Variants in NRG4 observed in about 807,000 individuals in gnomAD.
The protein encoded by NRG4 is pro-neuregulin-4, membrane-bound isoform.
NRG4 carries 10 observed loss-of-function variants against 15.0 expected under a neutral mutation model. The ratio of observed to expected loss-of-function variants is 0.67; its 90% CI spans 0.41 to 1.13. NRG4 has a LOEUF of 1.13. Ranked by LOEUF, NRG4 falls within the 50% of genes most tolerant of loss-of-function variation. The pLI, the probability that NRG4 is intolerant of heterozygous loss-of-function variation, is 0.00. For synonymous variants in NRG4, 41 were observed against 50.1 expected (o/e 0.82, Z 0.77); for missense variants, 139 against 140.2 (o/e 0.99, Z 0.04).
chr15:76,055,777 A>G (rs1022515288), intron 2 of NRG4, among the ~76,000 whole-genome samples: 1 of 152,236 alleles, frequency 6.6e-6, no homozygotes, highest in Admixed American at 6.5e-5. Flanking sequence ...GGACTATTTT[A>G]TTATTGACAC....
At position 76,041,557 on chromosome 15, in the gene NRG4, C is replaced by T. The variant is rs114082864; in HGVS notation, c.-104-5566G>A. On this transcript the variant is annotated intron_variant, in intron 4 of 8. Coordinates refer to the NRG4 transcript ENST00000563910. ...TACTTATATCAGACAAAATAGATTCCATGACAAAAACTTTTAAGAAGAGAC... is the reference window on the plus strand; with the variant it reads ...TACTTATATCAGACAAAATAGATTCTATGACAAAAACTTTTAAGAAGAGAC... Among the ~76,000 whole-genome samples the T allele has an allele frequency of 3.5e-3, 538 of 152,026 alleles. 3 individuals are homozygous for T. The highest frequency in any genetic ancestry group is 0.012 in the African/African-American group (482 of 41,494).
At chr15:76,008,233 C>T (rs997405326) in intron 3 of NRG4, among the ~76,000 whole-genome samples, 1 of 152,080 alleles carries the variant, frequency 6.6e-6, no homozygotes, top group African/African-American at 2.4e-5. Flanking sequence ...ATTCCCTTCC[C>T]TTTTCATATT....
chr15:75,939,652 C>T (rs1450858459), downstream of NRG4: 6 of 152,146 alleles, frequency 3.9e-5, no homozygotes, highest in Non-Finnish European at 8.8e-5. Flanking sequence ...TACTAGGAAA[C>T]TGAATTTAGC....
Position 75,943,323 on chromosome 15 carries a change from G to GAA in NRG4, c.*314_*315insTT, listed in dbSNP as rs1488519160. 7.0e-5 allele frequency: 22 copies of GAA among 315,414 alleles called. No homozygotes were observed. The highest frequency in any genetic ancestry group is 1.2e-4 in the Non-Finnish European group (20 of 173,220). The allele number at this position is 315,414 out of a possible 1,614,324, so 19.5% of individuals were successfully genotyped here. ...TCATAAGATCTTCATATATCCCTTA[G>GAA]GGTTTCTCTCTAGGTGTGTGAACAT... is the stretch of plus-strand genomic sequence containing the variant. On this transcript the variant is annotated 3_prime_UTR_variant, in exon 6 of 6. Coordinates refer to ENST00000394907, the MANE Select transcript of NRG4 (RefSeq NM_138573.4).
intron 4 of NRG4, among the ~76,000 whole-genome samples, chr15:76,044,866 G>C (rs2035833804): frequency 6.8e-6 from 1 of 147,564 alleles, no homozygotes; most frequent in Non-Finnish European, 1.5e-5. Context: ...AAGATTTCTT[G>C]AGTAATACCC....
At chr15:76,028,504 C>T (rs529070519) in intron 5 of NRG4, among the ~76,000 whole-genome samples, 1 of 152,074 alleles carries the variant, frequency 6.6e-6, no homozygotes, top group Non-Finnish European at 1.5e-5. Flanking sequence ...AAAACAGTCT[C>T]CTGACAGAAA....
At chr15:75,992,335 A>G (rs183437402) in intron 3 of NRG4, among the ~76,000 whole-genome samples, 1 of 152,200 alleles carries the variant, frequency 6.6e-6, no homozygotes, top group Admixed American at 6.5e-5. Flanking sequence ...TGTGGACTCA[A>G]GTTTCCATTT....
At position 76,021,831 on chromosome 15, in the gene NRG4, C is replaced by A. The variant is rs147001644; in HGVS notation, c.-56-10545G>T. On this transcript the variant is annotated intron_variant, in intron 5 of 8. Coordinates refer to the NRG4 transcript ENST00000563910. ...GAAAACCTATAGATTTTCAAGCTAA[C>A]TTTTCACTAAGTCAGTGGTCCCCAG... 5.9e-4 allele frequency among the ~76,000 whole-genome samples: 90 copies of A among 152,322 alleles called. 1 individual carries two copies. Among genetic ancestry groups the A allele is most frequent in the African/African-American group, 2.0e-3 (84 of 41,574 alleles).
In NRG4 at chr15:75,992,514, C is replaced by T. The variant is rs113245001; in HGVS notation, c.104+16686G>A. ...TATTTATATGATATAATTCACATAC[C>T]GTACAATCTATCCATTTAAGGTATA... On this transcript the variant is annotated intron_variant, in intron 3 of 5. Transcript: ENST00000394907. Among the ~76,000 whole-genome samples the T allele has an allele frequency of 9.9e-3, 1,512 of 152,036 alleles. 28 individuals are homozygous for T. The highest frequency in any genetic ancestry group is 0.034 in the African/African-American group (1,398 of 41,462).
Position 76,011,303 on chromosome 15 carries a change from A to C in NRG4, c.-56-17T>G. On this transcript the variant is annotated splice_polypyrimidine_tract_variant and intron_variant, in intron 1 of 5. Transcript: ENST00000394907. ...AAACAGTACCTAAAACGGTTTAAAA[A>C]GTAATAATTCAGGGAAAATAGTCTT... is the stretch of plus-strand genomic sequence containing the variant. The C allele has an allele frequency of 1.6e-6, 2 of 1,253,664 alleles. No individual in the cohort carries two copies. Among genetic ancestry groups the C allele is most frequent in the Non-Finnish European group, 2.1e-6 (2 of 956,374 alleles). 77.7% of individuals were successfully genotyped at this position (1,253,664 alleles called of 1,614,324 possible).
At chr15:75,964,823 G>A (rs139536581) in intron 3 of NRG4, among the ~76,000 whole-genome samples, 1,827 of 152,258 alleles carry the variant, frequency 0.012, 31 homozygotes, top group African/African-American at 0.042. Context: ...CTACTCAGGA[G>A]GCTGAGGTGG....
At chr15:76,059,920 C>G (rs902622045), upstream of NRG4, 1 of 145,764 alleles carries the variant, frequency 6.9e-6, no homozygotes, top group Admixed American at 6.8e-5. Flanking sequence ...AGCGGCGGGG[C>G]CGCGAGGGGG....
chr15:76,051,099 G>A (rs1207868928), intron 4 of NRG4, among the ~76,000 whole-genome samples: 5 of 147,848 alleles, frequency 3.4e-5, no homozygotes, highest in African/African-American at 1.3e-4. Context: ...TCCGCCTGCC[G>A]GGTTCACGCC....
intron 3 of NRG4, among the ~76,000 whole-genome samples, chr15:75,981,085 T>A (rs2033589682): frequency 6.6e-6 from 1 of 152,194 alleles, no homozygotes; most frequent in African/African-American, 2.4e-5. Flanking sequence ...TCTCACTGAG[T>A]GCTGGGGTCT....
rs1292377301 is a variant in NRG4 at position 76,058,979 on chromosome 15, C to T, written c.-328+676G>A. On this transcript the variant is annotated intron_variant, in intron 1 of 8. Coordinates refer to the NRG4 transcript ENST00000563910. The stretch of plus-strand genomic sequence containing the variant: ...TGCTCAGTGGTTCCGTTTAACCCAC[C>T]CGGTAACTGGCAATCATGGCCCTAG... Among the ~76,000 whole-genome samples, 4 of 152,014 alleles carry T rather than the reference C, an allele frequency of 2.6e-5. No homozygotes were observed. In the East Asian group the frequency reaches 5.8e-4, roughly 22 times the overall value.
intron 5 of NRG4, among the ~76,000 whole-genome samples, chr15:76,018,805 G>C (rs1462073264): frequency 6.6e-6 from 1 of 152,162 alleles, no homozygotes; most frequent in Non-Finnish European, 1.5e-5. Flanking sequence ...AGACACAGGG[G>C]TTAGGGACTC....
chr15:75,999,186 AG>A (rs1363037117), intron 3 of NRG4, among the ~76,000 whole-genome samples: 1 of 152,224 alleles, frequency 6.6e-6, no homozygotes, highest in African/African-American at 2.4e-5. Flanking sequence ...ACTATGTTTC[AG>A]GTACTGTTCT....
intron 3 of NRG4, among the ~76,000 whole-genome samples, chr15:76,008,583 CAACCA>C (rs1326581256): frequency 6.6e-6 from 1 of 152,092 alleles, no homozygotes; most frequent in Non-Finnish European, 1.5e-5. Flanking sequence ...AAATCCTATT[CAACCA>C]AACTCATAGG....
chr15:75,950,358 T>C (rs1459330072), intron 5 of NRG4: 1 of 158,498 alleles, frequency 6.3e-6, no homozygotes, highest in East Asian at 1.8e-4. Flanking sequence ...AATATTCTCC[T>C]GAAAATAATT....
Sources: gnomAD v4.1 joint callset for allele counts (sites outside exome capture counted in the v4.1 genomes callset) on GRCh38, gnomAD v4.1.1 for gene constraint, MANE v1.5 for transcripts, NCBI Gene and HGNC (gene_info 2026-07-23, HGNC 2026-07-21) for gene names.